Variants in UBR3 observed in about 807,000 individuals in gnomAD.
The protein encoded by UBR3 is ubiquitin protein ligase E3 component n-recognin 3.
Under a neutral mutation model 243.2 loss-of-function variants are expected in UBR3, and 85 were observed. That is an observed-to-expected ratio of 0.35 (90% CI 0.29 to 0.42). UBR3 has a LOEUF of 0.42. UBR3 is among the 10% of genes least tolerant of loss of function. The pLI is 1.00. For missense variants in UBR3, 1,686 were observed against 2,300.8 expected, an observed-to-expected ratio of 0.73 and a Z score of 5.47; for synonymous variants, 748 against 799.8, an observed-to-expected ratio of 0.94 and a Z score of 1.09.
At chr2:169,932,633 C>G (rs564440963) in intron 18 of UBR3, among the ~76,000 whole-genome samples, 1 of 152,246 alleles carries the variant, frequency 6.6e-6, no homozygotes, top group South Asian at 2.1e-4. Context: ...CAAACAACAA[C>G]AACAACAATG....
chr2:169,872,176 AATAAT>A, intron 1 of UBR3, 55 bp from the exon 2 acceptor site: 1 of 1,182,402 alleles, frequency 8.5e-7, no homozygotes. Context: ...TGTAAATAGA[AATAAT>A]ATATTTTTAG....
At chr2:169,897,907 A>G (rs1423321837) in intron 8 of UBR3, among the ~76,000 whole-genome samples, 2 of 152,158 alleles carry the variant, frequency 1.3e-5, no homozygotes, top group South Asian at 2.1e-4. Context: ...GATTGGCATT[A>G]TTATTATCCT....
At chr2:170,007,911 CTG>C (rs146320333) in intron 28 of UBR3, among the ~76,000 whole-genome samples, 1,813 of 150,084 alleles carry the variant, frequency 0.012, 48 homozygotes, top group African/African-American at 0.04. Context: ...TATATATACT[CTG>C]TGTGTGTGTG....
At chr2:170,043,228 A>G (rs568143900) in intron 32 of UBR3, among the ~76,000 whole-genome samples, 18 of 152,256 alleles carry the variant, frequency 1.2e-4, no homozygotes, top group Non-Finnish European at 2.4e-4. Flanking sequence ...TTTAATCTAT[A>G]TTAATCAATA....
At chr2:169,900,721 C>G (rs1477514423) in intron 8 of UBR3, among the ~76,000 whole-genome samples, 2 of 151,388 alleles carry the variant, frequency 1.3e-5, no homozygotes, top group East Asian at 1.9e-4. Context: ...TATTTGGGAA[C>G]AAGATGAGTC....
chr2:169,888,704 A>G (rs138047377), intron 5 of UBR3, among the ~76,000 whole-genome samples: 1,732 of 152,332 alleles, frequency 0.011, 48 homozygotes, highest in African/African-American at 0.039. Flanking sequence ...TGAATCAACA[A>G]CTTCCACATT....
chr2:170,037,845 G>C (rs868591209), intron 31 of UBR3, among the ~76,000 whole-genome samples: 10 of 151,800 alleles, frequency 6.6e-5, no homozygotes, highest in African/African-American at 2.2e-4. Context: ...TTTCAGTTTT[G>C]AAACATTTGT....
intron 35 of UBR3, among the ~76,000 whole-genome samples, chr2:170,064,515 A>G (rs1384596996): frequency 6.6e-6 from 1 of 151,924 alleles, no homozygotes; most frequent in East Asian, 1.9e-4. Flanking sequence ...TTTTTAATTC[A>G]GTCTGGAGTT....
chr2:170,072,510 C>T (rs2091721729), intron 35 of UBR3, among the ~76,000 whole-genome samples: 1 of 152,022 alleles, frequency 6.6e-6, no homozygotes, highest in Non-Finnish European at 1.5e-5. Context: ...CAGCATGGCA[C>T]ATATATACAT....
At chr2:170,003,226 A>G (rs1254797323) in intron 27 of UBR3, among the ~76,000 whole-genome samples, 1 of 152,110 alleles carries the variant, frequency 6.6e-6, no homozygotes, top group Non-Finnish European at 1.5e-5. Context: ...TCCAGGTGTA[A>G]CTTATTTACT....
At chr2:170,077,907 C>A (rs776929649) in intron 36 of UBR3, 17 of 496,366 alleles carry the variant, frequency 3.4e-5, no homozygotes, top group Non-Finnish European at 6.1e-5. Context: ...ACTCTTAACA[C>A]TTCTGTATCT....
chr2:170,058,426 C>T (rs2091384801), intron 33 of UBR3, among the ~76,000 whole-genome samples: 3 of 152,030 alleles, frequency 2.0e-5, no homozygotes, highest in African/African-American at 7.2e-5. Context: ...AATGGAATTT[C>T]TGCTAAGAGT....
At chr2:169,887,706 A>G (rs1006154953) in intron 5 of UBR3, among the ~76,000 whole-genome samples, 1 of 152,126 alleles carries the variant, frequency 6.6e-6, no homozygotes, top group African/African-American at 2.4e-5. Context: ...CATTACCTAA[A>G]TCTCTATCAC....
intron 5 of UBR3, among the ~76,000 whole-genome samples, chr2:169,883,162 G>T (rs992054328): frequency 1.3e-5 from 2 of 152,296 alleles, no homozygotes; most frequent in African/African-American, 4.8e-5. Flanking sequence ...ATCATATGTG[G>T]TTGCAGTTAG....
At chr2:169,891,609 C>G (rs1268978421) in intron 6 of UBR3, among the ~76,000 whole-genome samples, 1 of 53,342 alleles carries the variant, frequency 1.9e-5, no homozygotes, top group South Asian at 9.1e-4. Flanking sequence ...GAGAGAGAGA[C>G]AGAGACACAC....
At chr2:170,028,594 AATTAAATT>A (rs2090590811) in intron 30 of UBR3, among the ~76,000 whole-genome samples, 1 of 139,532 alleles carries the variant, frequency 7.2e-6, no homozygotes, top group African/African-American at 2.8e-5. Flanking sequence ...GCAGAATAAT[AATTAAATT>A]ATTATTCTGT....
At chr2:169,987,413 A>C (rs865928790) in intron 25 of UBR3, among the ~76,000 whole-genome samples, 1,634 of 150,684 alleles carry the variant, frequency 0.011, 26 homozygotes, top group African/African-American at 0.037. Context: ...AAAAAACAAA[A>C]AAAAAACAAA....
rs967339161 is a variant in UBR3, at chr2:170,082,871, C to T, written c.*1028C>T. On this transcript the variant is annotated 3_prime_UTR_variant, in exon 39 of 39. Coordinates refer to ENST00000272793, the MANE Select transcript of UBR3 (RefSeq NM_172070.4). ...GAAAAAAAAGGCGCAGTGGTGATGA[C>T]CCTCATGAATGAGCCACGCTTCTGC... is the stretch of plus-strand genomic sequence containing the variant. The T allele has an allele frequency of 6.6e-6, 1 of 152,450 alleles. No homozygotes were observed. The highest frequency in any genetic ancestry group is 1.5e-5 in the Non-Finnish European group (1 of 68,036). The allele number at this position is 152,450 out of a possible 1,614,324, so 9.4% of individuals were successfully genotyped here.
intron 38 of UBR3, 36 bp downstream of exon 38, chr2:170,080,720 G>C: frequency 6.3e-7 from 1 of 1,595,596 alleles, no homozygotes; most frequent in Non-Finnish European, 8.5e-7. Context: ...GTGTTTTATT[G>C]AAATTTGGTC....
Sources: allele counts gnomAD v4.1 joint callset (sites outside exome capture counted in the v4.1 genomes callset), GRCh38; gene constraint gnomAD v4.1.1; transcripts MANE v1.5; gene names NCBI Gene and HGNC (gene_info 2026-07-23, HGNC 2026-07-21).